NDUFB5: variants seen among roughly 807,000 people sequenced by gnomAD.
NDUFB5 encodes NADH dehydrogenase [ubiquinone] 1 beta subcomplex subunit 5, mitochondrial.
NDUFB5 carries 19 observed loss-of-function variants against 19.4 expected under a neutral mutation model. That is an observed-to-expected ratio of 0.98 (90% CI 0.68 to 1.43). The LOEUF is 1.43. NDUFB5 is among the 40% of genes most tolerant of loss of function. The pLI is 0.00. For synonymous variants in NDUFB5, 80 were observed against 82.6 expected (o/e 0.97, Z 0.17); for missense variants, 233 against 236.5 (o/e 0.99, Z 0.10).
At chr3:179,620,758 A>G (rs185547257) in intron 5 of NDUFB5, among the ~76,000 whole-genome samples, 172 of 152,184 alleles carry the variant, frequency 1.1e-3, no homozygotes, top group African/African-American at 3.7e-3. Context: ...TGCTGTGTTT[A>G]ATTTTCCCCC....
At chr3:179,608,653 T>A (rs1021260027) in intron 1 of NDUFB5, among the ~76,000 whole-genome samples, 11 of 152,040 alleles carry the variant, frequency 7.2e-5, no homozygotes, top group African/African-American at 2.7e-4. Context: ...ACTAACTTTT[T>A]AAAATCTATA....
chr3:179,623,033 G>A (rs1719578617), intron 5 of NDUFB5, among the ~76,000 whole-genome samples: 1 of 152,158 alleles, frequency 6.6e-6, no homozygotes, highest in Non-Finnish European at 1.5e-5. Flanking sequence ...GATTTTTCTT[G>A]CTTTCTATTT....
intron 2 of NDUFB5, chr3:179,615,271 C>G (rs1295783551): frequency 5.8e-6 from 2 of 346,614 alleles, no homozygotes; most frequent in African/African-American, 4.2e-5. Flanking sequence ...AGGATTTACA[C>G]TAAATGGAGG....
intron 2 of NDUFB5, 38 bp from the exon 3 acceptor site, chr3:179,615,945 C>G: frequency 2.0e-6 from 3 of 1,469,598 alleles, no homozygotes; most frequent in Non-Finnish European, 2.8e-6. Context: ...GGGAGAGTTA[C>G]GAAATGGTCA....
In NDUFB5 at chr3:179,626,446, AG is replaced by A. The variant is rs1477302639; in HGVS notation, c.*2408del. On this transcript the variant is annotated 3_prime_UTR_variant, in exon 6 of 6. Transcript: ENST00000259037. ...GCGACTGGGTTTCACCATGTTGCCC[AG>A]GCTGGTCTTGAACTCCTGTGCTCAA... 1.3e-5 allele frequency: 2 copies of A among 152,194 alleles called. No individual in the cohort carries two copies. Among genetic ancestry groups the A allele is most frequent in the Non-Finnish European group, 2.9e-5 (2 of 68,148 alleles). The allele number at this position is 152,194 out of a possible 1,614,324, so 9.4% of individuals were successfully genotyped here. A position where few individuals can be genotyped will look rare whatever the true frequency, so the allele number is the denominator to read the frequency against.
chr3:179,610,891 C>CA (rs1462523625), intron 1 of NDUFB5, among the ~76,000 whole-genome samples: 1 of 152,102 alleles, frequency 6.6e-6, no homozygotes, highest in Non-Finnish European at 1.5e-5. Context: ...GATGTATAAA[C>CA]AGAGTGCTGT....
intron 5 of NDUFB5, among the ~76,000 whole-genome samples, chr3:179,622,346 C>G (rs1253040203): frequency 6.6e-6 from 1 of 151,806 alleles, no homozygotes; most frequent in Non-Finnish European, 1.5e-5. Context: ...TGGGGACTTG[C>G]TCTGTTGCCC....
In NDUFB5 at chr3:179,618,398, C is replaced by T. The variant is rs1409314541; in HGVS notation, c.343-17C>T. 7.2e-6 allele frequency: 11 copies of T among 1,533,256 alleles called. No homozygotes were observed. The highest frequency in any genetic ancestry group is 1.9e-5 in the Admixed American group (1 of 52,178). The allele number at this position is 1,533,256 out of a possible 1,614,324, so 95.0% of individuals were successfully genotyped here. On this transcript the variant is annotated splice_polypyrimidine_tract_variant and intron_variant, in intron 4 of 5. Transcript: ENST00000259037. ...TATTCAGAAATGGACTAATATTAAA[C>T]GAATTTTCTCTTGTAGCATCCCATA...
chr3:179,612,241 C>G lies in NDUFB5; in HGVS notation c.125-2730C>G, dbSNP rs537977354. On this transcript the variant is annotated intron_variant, in intron 1 of 5. Coordinates refer to ENST00000259037, the MANE Select transcript of NDUFB5 (RefSeq NM_002492.4). ...GTGCGTGATGTAATCCCAGTTACTCCGCAAGCTGAAGGTGGGAGGATCTCT... is the reference window on the plus strand; with the variant it reads ...GTGCGTGATGTAATCCCAGTTACTCGGCAAGCTGAAGGTGGGAGGATCTCT... Among the ~76,000 whole-genome samples, 41 of 151,296 alleles carry G rather than the reference C, an allele frequency of 2.7e-4. No individual in the cohort carries two copies. In the South Asian group the frequency reaches 8.0e-3, roughly 29 times the overall value.
chr3:179,624,037 T>C lies in NDUFB5; in HGVS notation c.567T>C (p.Asn189=), dbSNP rs559711689. Residue 189 remains asparagine (N), a synonymous_variant, in exon 6 of 6, where the codon AAT becomes AAC. Coordinates refer to ENST00000259037, the MANE Select transcript of NDUFB5 (RefSeq NM_002492.4). The stretch of plus-strand genomic sequence containing the variant: ...ATTCTCCGAAAGCAACTCCTGACAA[T>C]TAAGCATTTTTTTCTCCAAATACAA... ...IDHSPKATPD[N] 2.5e-6 allele frequency: 4 copies of C among 1,612,582 alleles called. No homozygotes were observed. The African/African-American group carries it at 5.3e-5, about 22-fold the overall frequency.
intron 1 of NDUFB5, among the ~76,000 whole-genome samples, chr3:179,606,196 C>A (rs1373655569): frequency 6.6e-6 from 1 of 152,148 alleles, no homozygotes; most frequent in Non-Finnish European, 1.5e-5. Context: ...ATTCAGTGTA[C>A]TTTATTATCT....
rs1304469469 is a variant in NDUFB5 at position 179,624,591 on chromosome 3, A to ACACACACACACT, written c.*562_*563insTCACACACACAC. ...GACACGTACACACACACACACACAC[A>ACACACACACACT]CACACACACACACGCTCTTTTCCTA... On this transcript the variant is annotated 3_prime_UTR_variant, in exon 6 of 6. Transcript: ENST00000259037. 6.6e-6 allele frequency: 1 copy of ACACACACACACT among 151,384 alleles called. No individual in the cohort carries two copies. Among genetic ancestry groups the ACACACACACACT allele is most frequent in the African/African-American group, 2.4e-5 (1 of 40,836 alleles). 9.4% of individuals were successfully genotyped at this position (151,384 alleles called of 1,614,324 possible).
chr3:179,618,488 T>C lies in NDUFB5; in HGVS notation c.416T>C (p.Val139Ala), dbSNP rs1162316596. The stretch of plus-strand genomic sequence containing the variant: ...AAGATATATGAAAGAACAATGGCCG[T>C]CCTTCAGATTGAAGCTGAAAAGGCT... ...PEKIYERTMA[V>A]LQIEAEKAEL... The change falls in exon 5 of 6, where the codon GTC becomes GCC. Residue 139 changes from valine (V) to alanine (A), a missense_variant. Val to Ala is a moderately conservative substitution (Grantham distance 64). Coordinates refer to ENST00000259037, the MANE Select transcript of NDUFB5 (RefSeq NM_002492.4). The C allele has an allele frequency of 1.2e-6, 2 of 1,612,302 alleles. No individual in the cohort carries two copies. The highest frequency in any genetic ancestry group is 1.7e-6 in the Non-Finnish European group (2 of 1,179,462).
At chr3:179,622,084 C>T (rs376063735) in intron 5 of NDUFB5, among the ~76,000 whole-genome samples, 11 of 152,154 alleles carry the variant, frequency 7.2e-5, no homozygotes, top group East Asian at 3.9e-4. Context: ...CCTCCAGCCT[C>T]AGCCTCCTGA....
chr3:179,607,327 A>G (rs1160828788), intron 1 of NDUFB5, among the ~76,000 whole-genome samples: 2 of 152,218 alleles, frequency 1.3e-5, no homozygotes, highest in Non-Finnish European at 2.9e-5. Flanking sequence ...CTAATGTAGT[A>G]GAGAGCCTGT....
At chr3:179,618,623 C>T (rs1424830315) in intron 5 of NDUFB5, 102 bp downstream of exon 5, 2 of 766,470 alleles carry the variant, frequency 2.6e-6, no homozygotes, top group Non-Finnish European at 4.3e-6. Flanking sequence ...CTATAGGATA[C>T]TTTATGTAAA....
intron 1 of NDUFB5, among the ~76,000 whole-genome samples, chr3:179,612,415 A>T (rs1216694068): frequency 6.6e-6 from 1 of 151,908 alleles, no homozygotes; most frequent in Non-Finnish European, 1.5e-5. Context: ...TAATTGTTTA[A>T]TAATTGGGTA....
At chr3:179,613,127 T>C (rs1719290882) in intron 1 of NDUFB5, among the ~76,000 whole-genome samples, 1 of 152,162 alleles carries the variant, frequency 6.6e-6, no homozygotes, top group South Asian at 2.1e-4. Context: ...TAGCAGTAGC[T>C]TTGTGTTTCT....
chr3:179,605,232 G>A (rs114012240), intron 1 of NDUFB5, among the ~76,000 whole-genome samples: 1,717 of 152,302 alleles, frequency 0.011, 17 homozygotes, highest in Non-Finnish European at 0.017. Flanking sequence ...TGTATCTCTA[G>A]GGCACAAGCT....
Sources: gnomAD v4.1 joint callset for allele counts (sites outside exome capture counted in the v4.1 genomes callset) on GRCh38, gnomAD v4.1.1 for gene constraint, MANE v1.5 for transcripts, NCBI Gene and HGNC (gene_info 2026-07-23, HGNC 2026-07-21) for gene names.